Variants in AHCYL2 observed in about 807,000 individuals in gnomAD.
AHCYL2 encodes S-adenosylhomocysteine hydrolase-like protein 2.
Under a neutral mutation model 81.4 loss-of-function variants are expected in AHCYL2, and 28 were observed. That is an observed-to-expected ratio of 0.34 (90% confidence interval 0.25 to 0.47). The LOEUF (loss-of-function observed/expected upper bound fraction) is 0.47. AHCYL2 is among the 20% of genes least tolerant of loss of function. AHCYL2 has a pLI of 1.00. For missense variants in AHCYL2, 551 were observed against 785.1 expected, an observed-to-expected ratio of 0.70 and a Z score of 3.56; for synonymous variants, 272 against 290.2, an observed-to-expected ratio of 0.94 and a Z score of 0.64.
rs571421365 is a variant in AHCYL2, at chr7:129,395,003, G to GT, written c.721-2208dup. 1.2e-3 allele frequency among the ~76,000 whole-genome samples: 179 copies of GT among 146,922 alleles called. 1 individual carries two copies. The highest frequency in any genetic ancestry group is 1.1e-3 in the South Asian group (5 of 4,636). On this transcript the variant is annotated intron_variant, in intron 4 of 16. Transcript: ENST00000325006. ...TTGTTTACTTATTTCCTGACAGTGG[G>GT]TTTTTTTTTTTACTTTTTGTATGTC...
chr7:129,230,731 C>T (rs1435170426), intron 1 of AHCYL2, among the ~76,000 whole-genome samples: 1 of 151,806 alleles, frequency 6.6e-6, no homozygotes, highest in Non-Finnish European at 1.5e-5. Context: ...CGCCACCACG[C>T]CTGGCTAATT....
At chr7:129,379,773 C>A in intron 2 of AHCYL2, 24 bp downstream of exon 2, 2 of 1,581,746 alleles carry the variant, frequency 1.3e-6, no homozygotes, top group Non-Finnish European at 8.7e-7. Flanking sequence ...TGCTGTGGAC[C>A]CAGCTGTTGA....
intron 1 of AHCYL2, among the ~76,000 whole-genome samples, chr7:129,266,066 G>C (rs1795801712): frequency 6.6e-6 from 1 of 152,214 alleles, no homozygotes; most frequent in Non-Finnish European, 1.5e-5. Flanking sequence ...TATTGCTACA[G>C]TGACCTTCTG....
chr7:129,381,072 T>C (rs13246455), intron 2 of AHCYL2, among the ~76,000 whole-genome samples: 3,565 of 152,286 alleles, frequency 0.023, 75 homozygotes, highest in Admixed American at 0.056. Context: ...ATAAGCAGTG[T>C]TGAAAATTCA....
intron 1 of AHCYL2, among the ~76,000 whole-genome samples, chr7:129,376,958 T>C (rs2150877804): frequency 6.6e-6 from 1 of 152,320 alleles, no homozygotes; most frequent in South Asian, 2.1e-4. Context: ...TCCCAGCTCT[T>C]TTTGCCCTTA....
intron 1 of AHCYL2, among the ~76,000 whole-genome samples, chr7:129,239,279 GTT>G (rs1794755814): frequency 6.6e-6 from 1 of 152,224 alleles, no homozygotes; most frequent in East Asian, 1.9e-4. Flanking sequence ...AGAAGCATTG[GTT>G]ATCACCTGGG....
chr7:129,304,038 C>T (rs1797340861), intron 1 of AHCYL2, among the ~76,000 whole-genome samples: 1 of 151,896 alleles, frequency 6.6e-6, no homozygotes, highest in Non-Finnish European at 1.5e-5. Flanking sequence ...ATTGAGCTGA[C>T]ACAAGACTGT....
intron 1 of AHCYL2, among the ~76,000 whole-genome samples, chr7:129,346,678 G>A (rs7788327): frequency 0.35 from 53,319 of 151,944 alleles, 10,097 homozygotes; most frequent in African/African-American, 0.51. Context: ...GAACTGATTC[G>A]TTGGTGGGTA....
intron 4 of AHCYL2, among the ~76,000 whole-genome samples, chr7:129,392,815 T>A (rs533299922): frequency 6.6e-6 from 1 of 152,372 alleles, no homozygotes; most frequent in South Asian, 2.1e-4. Context: ...AGTTGTCATG[T>A]CTTTTTAATC....
chr7:129,314,524 C>T (rs1024548816), intron 1 of AHCYL2, among the ~76,000 whole-genome samples: 8 of 152,194 alleles, frequency 5.3e-5, no homozygotes, highest in African/African-American at 1.2e-4. Flanking sequence ...GATTCAGTTT[C>T]TGGTTAGGGC....
chr7:129,225,349 A>G lies in AHCYL2; in HGVS notation c.273A>G (p.Pro91=), dbSNP rs1584675325. 1 of 1,513,926 alleles carries G rather than the reference A, an allele frequency of 6.6e-7. No individual in the cohort carries two copies. The highest frequency in any genetic ancestry group is 8.8e-7 in the Non-Finnish European group (1 of 1,137,648). 93.8% of individuals were successfully genotyped at this position (1,513,926 alleles called of 1,614,324 possible). Residue 91 remains proline, a synonymous_variant, in exon 1 of 17, where the codon CCA becomes CCG. Transcript: ENST00000325006. ...PQASAMKRSD[P]HHQHQRHRDG... is the part of the protein sequence containing the mutation. ...CGTCGGCCATGAAGCGGAGCGACCC[A>G]CATCACCAGCACCAGCGGCACCGCG...
intron 2 of AHCYL2, among the ~76,000 whole-genome samples, chr7:129,382,887 C>G (rs1257998042): frequency 6.6e-6 from 1 of 152,078 alleles, no homozygotes; most frequent in East Asian, 1.9e-4. Flanking sequence ...GCCTGGGCAA[C>G]AAGAGTGAAA....
At chr7:129,273,776 C>T (rs1458158870) in intron 1 of AHCYL2, among the ~76,000 whole-genome samples, 1 of 152,152 alleles carries the variant, frequency 6.6e-6, no homozygotes, top group Non-Finnish European at 1.5e-5. Flanking sequence ...ACAGTAGCCT[C>T]ACATAAGACT....
At chr7:129,295,112 A>G (rs1021153352) in intron 1 of AHCYL2, among the ~76,000 whole-genome samples, 9 of 152,224 alleles carry the variant, frequency 5.9e-5, no homozygotes, top group Non-Finnish European at 1.3e-4. Flanking sequence ...ATTTCTTGGA[A>G]GGAAGAATTG....
At chr7:129,365,598 G>A (rs566580117) in intron 1 of AHCYL2, among the ~76,000 whole-genome samples, 2 of 135,188 alleles carry the variant, frequency 1.5e-5, no homozygotes, top group African/African-American at 5.8e-5. Flanking sequence ...TCAAGAAGTA[G>A]CAGATAATAC....
chr7:129,372,603 T>C (rs187420113), intron 1 of AHCYL2, among the ~76,000 whole-genome samples: 85 of 151,768 alleles, frequency 5.6e-4, no homozygotes, highest in Non-Finnish European at 1.2e-3. Context: ...AGGTCAGGAG[T>C]TCGAGACCAG....
intron 1 of AHCYL2, among the ~76,000 whole-genome samples, chr7:129,264,667 G>A (rs1007642767): frequency 6.6e-6 from 1 of 152,168 alleles, no homozygotes; most frequent in African/African-American, 2.4e-5. Flanking sequence ...AGTAACCTTG[G>A]TTGTGCTTAG....
chr7:129,329,388 G>A (rs949889158), intron 1 of AHCYL2, among the ~76,000 whole-genome samples: 2 of 151,750 alleles, frequency 1.3e-5, no homozygotes, highest in African/African-American at 4.8e-5. Context: ...TGCCTATGTC[G>A]CCCAGACTGG....
intron 4 of AHCYL2, among the ~76,000 whole-genome samples, chr7:129,395,561 C>T (rs989429478): frequency 3.9e-5 from 6 of 152,132 alleles, no homozygotes; most frequent in African/African-American, 1.4e-4. Context: ...GTGCCTCTCC[C>T]AGAGGCAGAG....
Sources: gnomAD v4.1 joint callset for allele counts (sites outside exome capture counted in the v4.1 genomes callset) on GRCh38, gnomAD v4.1.1 for gene constraint, MANE v1.5 for transcripts, NCBI Gene and HGNC (gene_info 2026-07-23, HGNC 2026-07-21) for gene names.